OCA2: variants seen among roughly 807,000 people sequenced by gnomAD.
The protein encoded by OCA2 is OCA2 melanosomal transmembrane protein, also known as P protein.
A neutral mutation model predicts 100.2 loss-of-function variants in OCA2; 77 were observed. The observed-to-expected ratio is 0.77, with a 90% CI of 0.64 to 0.93. The LOEUF is 0.93. Ranked by LOEUF, OCA2 falls within the 40% of genes least tolerant of loss-of-function variation. The probability of loss-of-function intolerance (pLI) is 0.00; values close to 1 mark genes in which losing one functional copy is unlikely to be tolerated. For missense variants in OCA2, 1,062 were observed against 1,089.1 expected (o/e 0.98, Z 0.35); for synonymous variants, 432 against 439.2 (o/e 0.98, Z 0.21).
At chr15:27,940,187 T>C (rs1256624891) in intron 18 of OCA2, among the ~76,000 whole-genome samples, 2 of 152,244 alleles carry the variant, frequency 1.3e-5, no homozygotes, top group African/African-American at 2.4e-5. Flanking sequence ...GGTGGGCCAC[T>C]ATGTAATATT....
intron 23 of OCA2, among the ~76,000 whole-genome samples, chr15:27,767,176 G>A (rs1451198562): frequency 6.6e-6 from 1 of 152,172 alleles, no homozygotes; most frequent in South Asian, 2.1e-4. Flanking sequence ...AGCTACAGAT[G>A]GTCTTACAAA....
intron 9 of OCA2, among the ~76,000 whole-genome samples, chr15:28,005,250 G>A (rs1046839746): frequency 6.6e-6 from 1 of 152,004 alleles, no homozygotes; most frequent in Non-Finnish European, 1.5e-5. Flanking sequence ...GGGCTGGGGG[G>A]TGTCTTGAAC....
Position 28,018,464 on chromosome 15 carries a change from T to G in OCA2, c.740A>C (p.Glu247Ala). ...GGTCAGCTCCACCACGATGTGCTCT[T>G]CCCTCCCAGGACGACTCGGCCCACT... ...VASGPSRPGR[E>A]EHIVVELTQA... Residue 247 changes from glutamate (E) to alanine (A), a missense_variant, in exon 7 of 24, where the codon GAA becomes GCA. By Grantham distance (107) the Glu-to-Ala change is moderately radical. Transcript: ENST00000354638. 6.2e-7 allele frequency: 1 copy of G among 1,614,008 alleles called. No homozygotes were observed. Among genetic ancestry groups the G allele is most frequent in the Non-Finnish European group, 8.5e-7 (1 of 1,180,000 alleles).
the OCA2 span, among the ~76,000 whole-genome samples, chr15:27,720,519 T>C: frequency 1.3e-5 from 2 of 151,060 alleles, no homozygotes; most frequent in Non-Finnish European, 2.9e-5. Context: ...TGTATAAATA[T>C]ATTCATCTAC....
At chr15:27,968,894 A>C (rs2040671920) in intron 14 of OCA2, among the ~76,000 whole-genome samples, 1 of 151,780 alleles carries the variant, frequency 6.6e-6, no homozygotes, top group South Asian at 2.1e-4. Flanking sequence ...TTTTGTGTTT[A>C]TCTCTATAAT....
intron 23 of OCA2, among the ~76,000 whole-genome samples, chr15:27,794,189 G>A (rs539910584): frequency 2.6e-5 from 4 of 152,122 alleles, no homozygotes; most frequent in Admixed American, 6.5e-5. Flanking sequence ...ACAACTCAGC[G>A]CCCCTCATCT....
At chr15:27,833,634 C>T (rs1375785094) in intron 23 of OCA2, among the ~76,000 whole-genome samples, 1 of 152,038 alleles carries the variant, frequency 6.6e-6, no homozygotes, top group Non-Finnish European at 1.5e-5. Context: ...ATACCAAAAA[C>T]AAGTTACATA....
intron 19 of OCA2, among the ~76,000 whole-genome samples, chr15:27,920,099 T>C (rs1342232209): frequency 6.6e-6 from 1 of 152,128 alleles, no homozygotes; most frequent in African/African-American, 2.4e-5. Flanking sequence ...ATATAAATAC[T>C]ACCTTCTTAG....
intron 4 of OCA2, among the ~76,000 whole-genome samples, chr15:28,026,514 G>A (rs549295454): frequency 9.8e-5 from 15 of 152,314 alleles, no homozygotes; most frequent in Non-Finnish European, 2.2e-4. Context: ...TTCTCATCAG[G>A]AAGAAGCTAC....
intron 2 of OCA2, 40 bp downstream of exon 2, chr15:28,081,608 T>C (rs1288733440): frequency 1.3e-6 from 2 of 1,572,140 alleles, no homozygotes; most frequent in Non-Finnish European, 8.7e-7. Flanking sequence ...CCAATCTGTG[T>C]GAAGTCCACA....
the OCA2 span, among the ~76,000 whole-genome samples, chr15:27,720,583 C>T: frequency 6.6e-6 from 1 of 151,134 alleles, no homozygotes; most frequent in Non-Finnish European, 1.5e-5. Flanking sequence ...GATCTCAAAA[C>T]CACTAGGCTG....
At chr15:28,018,625 C>A (rs909158069) in intron 6 of OCA2, 68 bp from the exon 7 acceptor site, 1 of 1,429,306 alleles carries the variant, frequency 7.0e-7, no homozygotes, top group African/African-American at 1.4e-5. Context: ...GCCCGCCAGA[C>A]GCACACCCTC....
chr15:27,922,412 A>C (rs1053403549), intron 19 of OCA2, among the ~76,000 whole-genome samples: 2 of 152,362 alleles, frequency 1.3e-5, no homozygotes, highest in Admixed American at 1.3e-4. Context: ...TGCAATGGCA[A>C]CAGGAGGTGG....
At chr15:28,047,513 C>G (rs560572368) in intron 2 of OCA2, among the ~76,000 whole-genome samples, 135 of 152,314 alleles carry the variant, frequency 8.9e-4, no homozygotes, top group South Asian at 1.2e-3. Flanking sequence ...CTTCTTCCCC[C>G]ACTTGTTATG....
intron 1 of OCA2, among the ~76,000 whole-genome samples, chr15:28,092,007 T>C (rs2044877820): frequency 6.6e-6 from 1 of 152,076 alleles, no homozygotes; most frequent in African/African-American, 2.4e-5. Context: ...ATAAATAAAA[T>C]GTGGTATATA....
At chr15:27,977,654 C>T (rs1272917104) in intron 14 of OCA2, among the ~76,000 whole-genome samples, 3 of 152,272 alleles carry the variant, frequency 2.0e-5, no homozygotes, top group East Asian at 1.9e-4. Context: ...TGTGTTTCCC[C>T]GAAAGTACTG....
At chr15:27,848,374 T>C (rs909345503) in intron 22 of OCA2, among the ~76,000 whole-genome samples, 1 of 152,204 alleles carries the variant, frequency 6.6e-6, no homozygotes. Context: ...ATGCCAACGA[T>C]GTTGCAGTCA....
At chr15:27,903,955 T>C (rs1054993358) in intron 19 of OCA2, among the ~76,000 whole-genome samples, 3 of 152,168 alleles carry the variant, frequency 2.0e-5, no homozygotes, top group Admixed American at 6.5e-5. Flanking sequence ...ATGTAAGAAA[T>C]TGGTCTTAGC....
Position 27,947,894 on chromosome 15 carries a change from C to T in OCA2, c.1951+3890G>A, listed in dbSNP as rs143146787. ...CTCCTCTTCTCTGGGTTGAAGCTCC[C>T]GGATGAAGAACACACATGTGAGCCT... On this transcript the variant is annotated intron_variant, in intron 18 of 23. Coordinates refer to ENST00000354638, the MANE Select transcript of OCA2 (RefSeq NM_000275.3). 2.9e-3 allele frequency among the ~76,000 whole-genome samples: 441 copies of T among 152,254 alleles called. 1 individual carries two copies. Among genetic ancestry groups the T allele is most frequent in the Middle Eastern group, 0.01 (3 of 294 alleles).
Sources: gnomAD v4.1 joint callset for allele counts (sites outside exome capture counted in the v4.1 genomes callset) on GRCh38, gnomAD v4.1.1 for gene constraint, MANE v1.5 for transcripts, NCBI Gene and HGNC (gene_info 2026-07-23, HGNC 2026-07-21) for gene names.